The following GALNT16 variants were observed in gnomAD, a reference collection of about 807,000 sequenced individuals.
GALNT16 encodes polypeptide N-acetylgalactosaminyltransferase 16.
GALNT16 carries 40 observed loss-of-function variants against 76.1 expected under a neutral mutation model. The ratio of observed to expected loss-of-function variants is 0.53; its 90% CI spans 0.41 to 0.68. The LOEUF is 0.68. GALNT16 is among the 30% of genes least tolerant of loss of function. The pLI, the probability that GALNT16 is intolerant of heterozygous loss-of-function variation, is 0.00. For missense variants in GALNT16, 621 were observed against 731.9 expected, an observed-to-expected ratio of 0.85 and a Z score of 1.75; for synonymous variants, 276 against 285.2, an observed-to-expected ratio of 0.97 and a Z score of 0.32.
intron 5 of GALNT16, 27 bp from the exon 6 acceptor site, chr14:69,328,423 G>A (rs370181273): frequency 4.0e-5 from 65 of 1,609,110 alleles, no homozygotes; most frequent in Non-Finnish European, 5.0e-5. Flanking sequence ...CAGTCCCAGC[G>A]CCAAGCCCTA....
intron 1 of GALNT16, among the ~76,000 whole-genome samples, chr14:69,265,334 A>G (rs1261846256): frequency 1.3e-5 from 2 of 151,938 alleles, no homozygotes; most frequent in Non-Finnish European, 2.9e-5. Context: ...CAGGTCTTTT[A>G]TTTCTGTGCT....
At chr14:69,384,761 T>C in the GALNT16 span, among the ~76,000 whole-genome samples, 1 of 152,220 alleles carries the variant, frequency 6.6e-6, no homozygotes, top group Non-Finnish European at 1.5e-5. Flanking sequence ...GCACTAATTA[T>C]GTACCAGAGA....
At chr14:69,283,358 A>G (rs1403806387) in intron 1 of GALNT16, among the ~76,000 whole-genome samples, 1 of 152,158 alleles carries the variant, frequency 6.6e-6, no homozygotes, top group Admixed American at 6.5e-5. Context: ...TGTTGCCTGA[A>G]TCGGAGGGAG....
chr14:69,380,407 AAT>A, the GALNT16 span: 1 of 516,694 alleles, frequency 1.9e-6, no homozygotes. Context: ...CATTTCATCT[AAT>A]ACAGTCAATC....
rs370006336 is a variant in GALNT16, at chr14:69,265,820, C to T, written c.177+5353C>T. Among the ~76,000 whole-genome samples, 48 of 152,306 alleles carry T rather than the reference C, an allele frequency of 3.2e-4. No homozygotes were observed. In the East Asian group the frequency reaches 3.9e-3, roughly 12 times the overall value. The stretch of plus-strand genomic sequence containing the variant: ...GACTGTGTGTAGCCCACTCTGAAAA[C>T]GGTGTCAAGTGGTTTAGTCCCTCTT... On this transcript the variant is annotated intron_variant, in intron 1 of 14. Transcript: ENST00000448469.
Position 69,338,634 on chromosome 14 carries a change from G to C in GALNT16, c.968-17G>C. ...AAGGAACCCCTTCCTCCTCCTGACG[G>C]CTACTATTTCCTGCAGAGCTCTCCT... is the stretch of plus-strand genomic sequence containing the variant. On this transcript the variant is annotated splice_polypyrimidine_tract_variant and intron_variant, in intron 9 of 14. Coordinates refer to ENST00000448469, the MANE Select transcript of GALNT16 (RefSeq NM_001168368.2). 1 of 1,609,836 alleles carries C rather than the reference G, an allele frequency of 6.2e-7. No homozygotes were observed. The highest frequency in any genetic ancestry group is 1.1e-5 in the South Asian group (1 of 90,758).
intron 6 of GALNT16, among the ~76,000 whole-genome samples, chr14:69,331,210 A>C (rs1006018917): frequency 6.6e-6 from 1 of 152,204 alleles, no homozygotes; most frequent in Non-Finnish European, 1.5e-5. Flanking sequence ...AGATTCTAGC[A>C]GGGCTCAAAA....
Position 69,261,373 on chromosome 14 carries a change from G to A in GALNT16, c.177+906G>A, listed in dbSNP as rs1444939735. On this transcript the variant is annotated intron_variant, in intron 1 of 14. Coordinates refer to ENST00000448469, the MANE Select transcript of GALNT16 (RefSeq NM_001168368.2). The surrounding 1 kb of genome is among the most constrained non-coding windows in gnomAD (Gnocchi z 6.4). ...GCCAGGCAGGGGCACCTGTTGAGGCGGGAGGCTTTGGCACCCGCCGAGAGT... is the reference window on the plus strand; with the variant it reads ...GCCAGGCAGGGGCACCTGTTGAGGCAGGAGGCTTTGGCACCCGCCGAGAGT... 6.6e-6 allele frequency among the ~76,000 whole-genome samples: 1 copy of A among 152,048 alleles called. No individual in the cohort carries two copies. The highest frequency in any genetic ancestry group is 1.5e-5 in the Non-Finnish European group (1 of 67,954).
chr14:69,317,892 G>A (rs1038485535), intron 1 of GALNT16, among the ~76,000 whole-genome samples: 3 of 152,216 alleles, frequency 2.0e-5, no homozygotes, highest in Non-Finnish European at 2.9e-5. Flanking sequence ...CTGGGCATGG[G>A]AACTGGGGTT....
downstream of GALNT16, among the ~76,000 whole-genome samples, chr14:69,359,916 T>C (rs1309386456): frequency 6.6e-6 from 1 of 152,010 alleles, no homozygotes; most frequent in South Asian, 2.1e-4. Flanking sequence ...TCCCAGCTAC[T>C]CGGGAGGCTG....
At chr14:69,385,338 T>G in the GALNT16 span, among the ~76,000 whole-genome samples, 3 of 152,194 alleles carry the variant, frequency 2.0e-5, no homozygotes, top group African/African-American at 7.2e-5. Flanking sequence ...TTCACCTTCC[T>G]AGCTTATTTC....
intron 2 of GALNT16, among the ~76,000 whole-genome samples, chr14:69,323,414 G>T (rs1033292820): frequency 7.9e-5 from 12 of 152,182 alleles, no homozygotes; most frequent in African/African-American, 2.9e-4. Flanking sequence ...ATGGGGTGTG[G>T]GTGGGTTTGC....
At position 69,320,828 on chromosome 14, in the gene GALNT16, C is replaced by T. The variant is rs2045169432; in HGVS notation, c.295C>T (p.Leu99=). The T allele has an allele frequency of 6.2e-7, 1 of 1,614,056 alleles. No homozygotes were observed. The highest frequency in any genetic ancestry group is 8.5e-7 in the Non-Finnish European group (1 of 1,180,002). Residue 99 remains leucine (L), a synonymous_variant, in exon 2 of 15, where the codon CTG becomes TTG. Coordinates refer to ENST00000448469, the MANE Select transcript of GALNT16 (RefSeq NM_001168368.2). Reference sequence around the variant, plus strand: ...CTTCAACCAGCTGGAGAGTGACAAGCTGAGCCCAGACCGGCCCATCCGGGA... The same window carrying T: ...CTTCAACCAGCTGGAGAGTGACAAGTTGAGCCCAGACCGGCCCATCCGGGA... ...HAFNQLESDK[L]SPDRPIRDTR...
chr14:69,306,276 A>T (rs2044932013), intron 1 of GALNT16, among the ~76,000 whole-genome samples: 1 of 152,236 alleles, frequency 6.6e-6, no homozygotes, highest in Admixed American at 6.5e-5. Context: ...AATTTCCTAC[A>T]GTTGGAACTA....
chr14:69,270,987 C>T (rs1226530227), intron 1 of GALNT16, among the ~76,000 whole-genome samples: 2 of 152,072 alleles, frequency 1.3e-5, no homozygotes, highest in East Asian at 1.9e-4. Flanking sequence ...GCAAACACAC[C>T]GCAGGGACCA....
intron 1 of GALNT16, among the ~76,000 whole-genome samples, chr14:69,291,774 A>T (rs1393450427): frequency 6.6e-6 from 1 of 152,146 alleles, no homozygotes; most frequent in African/African-American, 2.4e-5. Context: ...CCATTTCTTC[A>T]TCTGTAAAAT....
upstream of GALNT16, chr14:69,259,820 G>C (rs1310151559): frequency 1.2e-5 from 2 of 166,246 alleles, no homozygotes; most frequent in African/African-American, 2.4e-5. Flanking sequence ...CGGCAGGACC[G>C]ACCAGGGCCG....
chr14:69,286,939 A>G (rs986862514), intron 1 of GALNT16, among the ~76,000 whole-genome samples: 3 of 152,220 alleles, frequency 2.0e-5, no homozygotes, highest in Non-Finnish European at 2.9e-5. Context: ...GCATCTCCAC[A>G]CAATTTGCCC....
intron 1 of GALNT16, among the ~76,000 whole-genome samples, chr14:69,265,052 G>A (rs2044326030): frequency 6.6e-6 from 1 of 151,964 alleles, no homozygotes; most frequent in Admixed American, 6.6e-5. Context: ...TGGACTCAAG[G>A]GGATCCTCCC....
Sources: allele counts gnomAD v4.1 joint callset (sites outside exome capture counted in the v4.1 genomes callset), GRCh38; gene constraint gnomAD v4.1.1; non-coding constraint Gnocchi (gnomAD v3.1); transcripts MANE v1.5; gene names NCBI Gene and HGNC (gene_info 2026-07-23, HGNC 2026-07-21).